The following TEKT5 variants were observed in gnomAD, a reference collection of about 807,000 sequenced individuals.
The protein encoded by TEKT5 is tektin-5.
In TEKT5, 52 loss-of-function variants were observed where a neutral mutation model predicts 48.7. The observed-to-expected ratio is 1.07, with a 90% CI of 0.86 to 1.35. The LOEUF (loss-of-function observed/expected upper bound fraction) is 1.35, where lower values mean the gene tolerates loss of function less well. Ranked by LOEUF, TEKT5 falls within the 40% of genes most tolerant of loss-of-function variation. TEKT5 has a pLI of 0.00. For missense variants in TEKT5, 831 were observed against 641.6 expected (o/e 1.30, Z -3.19); for synonymous variants, 318 against 267.6 (o/e 1.19, Z -1.84).
intron 6 of TEKT5, among the ~76,000 whole-genome samples, chr16:10,628,281 A>G (rs1229892225): frequency 6.6e-6 from 1 of 152,244 alleles, no homozygotes; most frequent in Non-Finnish European, 1.5e-5. Flanking sequence ...CAGGTAGACA[A>G]GTAAATACAC....
intron 5 of TEKT5, among the ~76,000 whole-genome samples, chr16:10,652,398 C>A (rs987184377): frequency 4.6e-5 from 7 of 150,722 alleles, no homozygotes; most frequent in Non-Finnish European, 1.0e-4. Flanking sequence ...CAGGCAAAAA[C>A]ACACACACAC....
chr16:10,694,781 C>A lies in TEKT5; in HGVS notation c.93G>T (p.Val31=), dbSNP rs770045660. The change falls in exon 1 of 7, where the codon GTG becomes GTT. Residue 31 remains valine (V), a synonymous_variant. Transcript: ENST00000283025. ...LTSLPAVQAP[V]IQECYQPYYL... ...AGTAGGGCTGATAGCATTCCTGGAT[C>A]ACTGGCGCCTGTACAGCTGGCAGTG... is the stretch of plus-strand genomic sequence containing the variant. The A allele has an allele frequency of 2.5e-6, 4 of 1,613,868 alleles. No individual in the cohort carries two copies. Among genetic ancestry groups the A allele is most frequent in the Non-Finnish European group, 3.4e-6 (4 of 1,179,884 alleles).
At chr16:10,693,974 A>T (rs1307960145) in intron 1 of TEKT5, among the ~76,000 whole-genome samples, 7 of 152,292 alleles carry the variant, frequency 4.6e-5, no homozygotes, top group Non-Finnish European at 8.8e-5. Flanking sequence ...TGTGTAAAAA[A>T]TAAATAAATA....
In TEKT5 at chr16:10,682,127, C is replaced by T. The variant is rs977681940; in HGVS notation, c.729G>A (p.Arg243=). ...QRIDIQMRDN[R]DAQHVLERDL... ...CCCTCTCCAGCACGTGCTGAGCATC[C>T]CGGTTATCCCTGCAGGGAGGGAGGA... The change falls in exon 4 of 7, where the codon CGG becomes CGA. Residue 243 remains arginine (R), a synonymous_variant. Transcript: ENST00000283025. 5 of 1,614,060 alleles carry T rather than the reference C, an allele frequency of 3.1e-6. No homozygotes were observed. Among genetic ancestry groups the T allele is most frequent in the Middle Eastern group, 1.6e-4 (1 of 6,062 alleles).
chr16:10,684,939 T>A (rs1031755032), intron 3 of TEKT5, among the ~76,000 whole-genome samples: 1 of 152,196 alleles, frequency 6.6e-6, no homozygotes, highest in Non-Finnish European at 1.5e-5. Context: ...AAGAGCCTGG[T>A]GTTGGCCACC....
chr16:10,637,925 C>G (rs181189668), intron 5 of TEKT5, among the ~76,000 whole-genome samples: 1 of 152,336 alleles, frequency 6.6e-6, no homozygotes, highest in Non-Finnish European at 1.5e-5. Context: ...ATCTTCCCGC[C>G]TCAGCCTGGC....
intron 5 of TEKT5, among the ~76,000 whole-genome samples, chr16:10,657,165 G>A (rs1898276133): frequency 6.9e-6 from 1 of 144,698 alleles, no homozygotes; most frequent in Admixed American, 7.0e-5. Context: ...CACTCTTGTT[G>A]CCCAGGCTGG....
At position 10,627,569 on chromosome 16, in the gene TEKT5, C is replaced by T. The variant is rs370265555; in HGVS notation, c.*14G>A. Reference sequence around the variant, plus strand: ...AATTTTACGCCAGCGCGGAATGAGGCGCCAGGGCGGTGCTCAGGTGTGGCC... The same window carrying T: ...AATTTTACGCCAGCGCGGAATGAGGTGCCAGGGCGGTGCTCAGGTGTGGCC... On this transcript the variant is annotated 3_prime_UTR_variant, in exon 7 of 7. Transcript: ENST00000283025. The T allele has an allele frequency of 6.3e-5, 102 of 1,613,394 alleles. No homozygotes were observed. The African/African-American group carries it at 8.7e-4, about 14-fold the overall frequency.
At chr16:10,673,060 T>C (rs1383912262) in intron 5 of TEKT5, among the ~76,000 whole-genome samples, 2 of 152,132 alleles carry the variant, frequency 1.3e-5, no homozygotes, top group African/African-American at 4.8e-5. Context: ...TCCAAGTTTA[T>C]AGAGGATTCA....
At chr16:10,676,777 A>C (rs1016629226) in intron 4 of TEKT5, among the ~76,000 whole-genome samples, 1 of 152,224 alleles carries the variant, frequency 6.6e-6, no homozygotes, top group Non-Finnish European at 1.5e-5. Context: ...CAGTTAGGAG[A>C]GAGCCATGAA....
intron 5 of TEKT5, among the ~76,000 whole-genome samples, chr16:10,636,328 T>A (rs1897913105): frequency 6.6e-6 from 1 of 151,798 alleles, no homozygotes; most frequent in African/African-American, 2.4e-5. Flanking sequence ...TGAGCTGAGA[T>A]TGTGCCACCG....
intron 5 of TEKT5, among the ~76,000 whole-genome samples, chr16:10,663,281 G>A (rs1423762943): frequency 6.6e-6 from 1 of 152,224 alleles, no homozygotes; most frequent in Non-Finnish European, 1.5e-5. Context: ...ATCTGCCTGT[G>A]TCTTGTGACA....
intron 4 of TEKT5, among the ~76,000 whole-genome samples, chr16:10,680,783 C>A (rs1687408635): frequency 7.0e-6 from 1 of 143,206 alleles, no homozygotes; most frequent in Non-Finnish European, 1.5e-5. Context: ...ACCGCATATT[C>A]TCACTCATAG....
chr16:10,657,292 AT>A (rs1321291011), intron 5 of TEKT5, among the ~76,000 whole-genome samples: 1 of 151,386 alleles, frequency 6.6e-6, no homozygotes, highest in African/African-American at 2.4e-5. Flanking sequence ...TGCCCAGCTA[AT>A]TTTTTTGTGT....
intron 5 of TEKT5, among the ~76,000 whole-genome samples, chr16:10,638,768 A>G (rs74007179): frequency 0.022 from 3,427 of 152,324 alleles, 132 homozygotes; most frequent in African/African-American, 0.079. Context: ...CCTGTTCACC[A>G]TAATTAATGA....
chr16:10,648,259 T>C (rs1039852954), intron 5 of TEKT5, among the ~76,000 whole-genome samples: 2 of 152,212 alleles, frequency 1.3e-5, no homozygotes, highest in Non-Finnish European at 1.5e-5. Flanking sequence ...CATCTCATTA[T>C]AGAACCAAAC....
chr16:10,652,882 G>A (rs1293478553), intron 5 of TEKT5, among the ~76,000 whole-genome samples: 3 of 139,096 alleles, frequency 2.2e-5, no homozygotes, highest in Admixed American at 7.3e-5. Flanking sequence ...CTCCAGGTCA[G>A]GTAGAGCGAT....
rs940590591 is a variant in TEKT5 at position 10,682,093 on chromosome 16, C to G, written c.763G>C (p.Asp255His). The stretch of plus-strand genomic sequence containing the variant: ...TCGATACACTGGGCCGAGCTTTTGT[C>G]TTCGAGGTCCCTCTCCAGCACGTGC... ...AQHVLERDLE[D>H]KSSAQCIDEK... Residue 255 changes from aspartate to histidine, a missense_variant, in exon 4 of 7, where the codon GAC (aspartate) becomes CAC (histidine). Physicochemically the swap from Asp to His is moderately conservative, Grantham distance 81. Transcript: ENST00000283025. 2.5e-6 allele frequency: 4 copies of G among 1,614,064 alleles called. No homozygotes were observed. In the African/African-American group the frequency reaches 5.3e-5, roughly 22 times the overall value.
intron 3 of TEKT5, among the ~76,000 whole-genome samples, chr16:10,685,020 C>G (rs939026987): frequency 6.6e-6 from 1 of 152,250 alleles, no homozygotes; most frequent in African/African-American, 2.4e-5. Context: ...TAATGAGGCT[C>G]TGGCTGGCTC....
Sources: gnomAD v4.1 joint callset for allele counts (sites outside exome capture counted in the v4.1 genomes callset) on GRCh38, gnomAD v4.1.1 for gene constraint, MANE v1.5 for transcripts, NCBI Gene and HGNC (gene_info 2026-07-23, HGNC 2026-07-21) for gene names.